ATP2C1: variants seen among roughly 807,000 people sequenced by gnomAD.
The protein encoded by ATP2C1 is calcium-transporting ATPase type 2C member 1.
Under a neutral mutation model 120.5 loss-of-function variants are expected in ATP2C1, and 31 were observed. The ratio of observed to expected loss-of-function variants is 0.26; its 90% confidence interval spans 0.19 to 0.35. ATP2C1 has a LOEUF of 0.35. Among genes scored for constraint, ATP2C1 ranks in the 10% least tolerant of loss-of-function variants. The pLI is 1.00. For missense variants in ATP2C1, 731 were observed against 1,107.5 expected (o/e 0.66, Z 4.83); for synonymous variants, 351 against 358.7 (o/e 0.98, Z 0.24).
chr3:130,974,980 T>C (rs2061479482), intron 17 of ATP2C1, among the ~76,000 whole-genome samples: 1 of 152,202 alleles, frequency 6.6e-6, no homozygotes, highest in Non-Finnish European at 1.5e-5. Context: ...TAGATAGATA[T>C]AGACGTATAT....
chr3:130,998,246 C>A, intron 25 of ATP2C1, 48 bp from the exon 26 acceptor site: 1 of 1,199,102 alleles, frequency 8.3e-7, no homozygotes, highest in Non-Finnish European at 1.2e-6. Flanking sequence ...GCGATTTATC[C>A]ATTAAATTCA....
chr3:130,874,184 TA>T (rs1322565022), intron 1 of ATP2C1, among the ~76,000 whole-genome samples: 1 of 151,692 alleles, frequency 6.6e-6, no homozygotes, highest in African/African-American at 2.4e-5. Flanking sequence ...ACTATATAAG[TA>T]AAAATTCTAA....
chr3:130,962,618 C>A (rs752018223), intron 12 of ATP2C1, among the ~76,000 whole-genome samples: 16 of 145,986 alleles, frequency 1.1e-4, no homozygotes, highest in Non-Finnish European at 2.4e-4. Flanking sequence ...TATTCCTCTG[C>A]AAAGTTTTGC....
chr3:130,884,978 G>A (rs969627225), intron 1 of ATP2C1, among the ~76,000 whole-genome samples: 3 of 143,986 alleles, frequency 2.1e-5, no homozygotes, highest in African/African-American at 7.8e-5. Flanking sequence ...TTGTCGCCCA[G>A]GCTGGAGTAC....
At position 130,922,871 on chromosome 3, in the gene ATP2C1, C is replaced by T. The variant is rs138095297; in HGVS notation, c.7-7545C>T. On this transcript the variant is annotated intron_variant, in intron 2 of 27. Transcript: ENST00000510168. Reference sequence around the variant, plus strand: ...AAATTTATTGAGTCTTGTTTAATGGCGTATCATATGGCCTGTCTTGGAGAA... The same window carrying T: ...AAATTTATTGAGTCTTGTTTAATGGTGTATCATATGGCCTGTCTTGGAGAA... 3.9e-5 allele frequency among the ~76,000 whole-genome samples: 6 copies of T among 152,234 alleles called. No homozygotes were observed. The East Asian group carries it at 5.8e-4, about 15-fold the overall frequency.
Position 130,980,668 on chromosome 3 carries a change from A to G in ATP2C1, c.1828A>G (p.Ile610Val). 3 of 1,612,622 alleles carry G rather than the reference A, an allele frequency of 1.9e-6. No individual in the cohort carries two copies. Among genetic ancestry groups the G allele is most frequent in the Non-Finnish European group, 2.5e-6 (3 of 1,178,844 alleles). Reference protein sequence around the residue: ...DAMDVQQLSQIVPKVAVFYRA... With the variant: ...DAMDVQQLSQVVPKVAVFYRA... The stretch of plus-strand genomic sequence containing the variant: ...AATGGATGTTCAGCAGCTTTCACAA[A>G]TAGTACCAAAGGTAGGCCTAAACTA... Residue 610 changes from isoleucine to valine, a missense_variant, in exon 20 of 28, where the codon ATA becomes GTA. By Grantham distance (29) the Ile-to-Val change is conservative. Coordinates refer to ENST00000510168, the MANE Select transcript of ATP2C1 (RefSeq NM_001378687.1).
intron 8 of ATP2C1, among the ~76,000 whole-genome samples, chr3:130,952,315 A>G (rs2060403514): frequency 6.6e-6 from 1 of 152,312 alleles, no homozygotes; most frequent in South Asian, 2.1e-4. Flanking sequence ...TGTAAGCAGT[A>G]ATAAATATTT....
chr3:130,963,869 A>G, intron 12 of ATP2C1, 102 bp from the exon 13 acceptor site: 3 of 1,425,040 alleles, frequency 2.1e-6, no homozygotes, highest in Non-Finnish European at 3.0e-6. Flanking sequence ...TATTGACTAT[A>G]TTAATTTTGC....
chr3:130,899,703 A>G (rs2069974417), intron 2 of ATP2C1: 1 of 152,202 alleles, frequency 6.6e-6, no homozygotes, highest in Non-Finnish European at 1.5e-5. Context: ...AGGTTGGTTT[A>G]GACTAAACCT....
rs183917988 is a variant in ATP2C1 at position 130,887,002 on chromosome 3, G to T, written c.108+36074G>T. 1.2e-4 allele frequency among the ~76,000 whole-genome samples: 18 copies of T among 152,304 alleles called. No individual in the cohort carries two copies. The East Asian group carries it at 3.3e-3, about 28-fold the overall frequency. On this transcript the variant is annotated intron_variant, in intron 1 of 26. Transcript: ENST00000504381. Reference sequence around the variant, plus strand: ...GGGAAGGTTTTTCAGGTATTTGAAAGAACTAGGGTATTGTGGTCTAAGCCA... The same window carrying T: ...GGGAAGGTTTTTCAGGTATTTGAAATAACTAGGGTATTGTGGTCTAAGCCA...
intron 17 of ATP2C1, 79 bp downstream of exon 17, chr3:130,969,475 T>G: frequency 9.4e-7 from 1 of 1,064,796 alleles, no homozygotes; most frequent in Non-Finnish European, 1.4e-6. Context: ...ACCTTTGGGT[T>G]TAGTCATTGT....
chr3:131,009,591 C>T (rs554966676), intron 26 of ATP2C1, among the ~76,000 whole-genome samples: 6 of 152,102 alleles, frequency 3.9e-5, no homozygotes, highest in East Asian at 1.9e-4. Flanking sequence ...GGTGCAGTCA[C>T]GCCTTTTAAA....
At chr3:130,992,826 T>G in intron 20 of ATP2C1, 125 bp from the exon 21 acceptor site, 1 of 751,082 alleles carries the variant, frequency 1.3e-6, no homozygotes, top group Non-Finnish European at 2.4e-6. Context: ...TGCTTAAGCT[T>G]GATCTCAGTG....
intron 1 of ATP2C1, among the ~76,000 whole-genome samples, chr3:130,858,887 G>T (rs1576523353): frequency 6.6e-6 from 1 of 152,172 alleles, no homozygotes; most frequent in Admixed American, 6.5e-5. Context: ...CATTTGGGAG[G>T]TTCCGGAGGA....
intron 17 of ATP2C1, among the ~76,000 whole-genome samples, chr3:130,970,349 A>G (rs567231315): frequency 6.9e-6 from 1 of 144,746 alleles, no homozygotes; most frequent in East Asian, 2.0e-4. Context: ...CCTGGGCAAC[A>G]GCCTGTCTAA....
At chr3:130,983,980 G>A (rs185590080) in intron 20 of ATP2C1, among the ~76,000 whole-genome samples, 7 of 152,286 alleles carry the variant, frequency 4.6e-5, no homozygotes, top group Admixed American at 3.3e-4. Context: ...TTCATATACA[G>A]GTTTTTGCGT....
intron 23 of ATP2C1, 122 bp from the exon 24 acceptor site, chr3:130,996,558 A>C: frequency 1.3e-6 from 1 of 760,152 alleles, no homozygotes; most frequent in Non-Finnish European, 2.4e-6. Context: ...AGAATAGTTT[A>C]CTTGAAACAG....
intron 22 of ATP2C1, 97 bp from the exon 23 acceptor site, chr3:130,995,946 G>C (rs1487207370): frequency 7.8e-6 from 7 of 902,220 alleles, no homozygotes; most frequent in Non-Finnish European, 1.3e-5. Context: ...TGCCCGGTTG[G>C]AAATTTATTT....
Position 130,956,119 on chromosome 3 carries a change from C to G in ATP2C1, c.772C>G (p.Leu258Val). The change falls in exon 11 of 28, where the codon CTG becomes GTG. Residue 258 changes from leucine to valine, a missense_variant. Coordinates refer to ENST00000510168, the MANE Select transcript of ATP2C1 (RefSeq NM_001378687.1). ...MQAEEAPKTP[L>V]QKSMDLLGKQ... ...ATTTATCAAGGCACCAAAAACCCCTCTGCAGAAGAGCATGGACCTCTTAGG... is the reference window on the plus strand; with the variant it reads ...ATTTATCAAGGCACCAAAAACCCCTGTGCAGAAGAGCATGGACCTCTTAGG... 6.2e-7 allele frequency: 1 copy of G among 1,610,236 alleles called. No homozygotes were observed. Among genetic ancestry groups the G allele is most frequent in the South Asian group, 1.1e-5 (1 of 91,008 alleles).
Sources: gnomAD v4.1 joint callset for allele counts (sites outside exome capture counted in the v4.1 genomes callset) on GRCh38, gnomAD v4.1.1 for gene constraint, MANE v1.5 for transcripts, NCBI Gene and HGNC (gene_info 2026-07-23, HGNC 2026-07-21) for gene names.